CLCA2: variants seen among roughly 807,000 people sequenced by gnomAD.
CLCA2 encodes calcium-activated chloride channel regulator 2.
Under a neutral mutation model 82.9 loss-of-function variants are expected in CLCA2, and 85 were observed. The ratio of observed to expected loss-of-function variants is 1.03; its 90% confidence interval spans 0.86 to 1.23. The LOEUF is 1.23. Ranked by LOEUF, CLCA2 falls within the 50% of genes most tolerant of loss-of-function variation. The pLI, the probability that CLCA2 is intolerant of heterozygous loss-of-function variation, is 0.00. For synonymous variants in CLCA2, 421 were observed against 391.7 expected (o/e 1.07, Z -0.88); for missense variants, 1,089 against 1,124.8 (o/e 0.97, Z 0.45).
Position 86,455,470 on chromosome 1 carries a change from T to C in CLCA2, c.2775T>C (p.His925=), listed in dbSNP as rs1663058633. The C allele has an allele frequency of 6.5e-7, 1 of 1,527,030 alleles. No homozygotes were observed. Among genetic ancestry groups the C allele is most frequent in the Non-Finnish European group, 8.8e-7 (1 of 1,140,842 alleles). The allele number at this position is 1,527,030 out of a possible 1,614,324, so 94.6% of individuals were successfully genotyped here. The change falls in exon 14 of 14, where the codon CAT becomes CAC. Residue 925 remains histidine (H), a synonymous_variant. Coordinates refer to ENST00000370565, the MANE Select transcript of CLCA2 (RefSeq NM_006536.7). ...IICLIIVVTH[H]TLSRKKRADK... ...GCCTTATTATAGTTGTGACACATCATACTTTAAGCAGGAAAAAGAGAGCAG... is the reference window on the plus strand; with the variant it reads ...GCCTTATTATAGTTGTGACACATCACACTTTAAGCAGGAAAAAGAGAGCAG...
chr1:86,430,802 T>A, intron 3 of CLCA2, 60 bp from the exon 4 acceptor site: 1 of 1,253,696 alleles, frequency 8.0e-7, no homozygotes. Flanking sequence ...TCTTCACTAG[T>A]TAGCAAGGCA....
intron 2 of CLCA2, 136 bp from the exon 3 acceptor site, chr1:86,428,282 T>C: frequency 1.3e-6 from 1 of 768,428 alleles, no homozygotes; most frequent in Non-Finnish European, 1.8e-6. Flanking sequence ...ATTTTGTTTT[T>C]AAATTGGGTT....
chr1:86,450,733 G>A lies in CLCA2; in HGVS notation c.2155G>A (p.Gly719Ser), dbSNP rs369722339. ...AMYVPGYTAN[G>S]NIQMNAPRKS... ...GTATGTACCAGGTTACACAGCAAAC[G>A]GTAAGAACCATTAGCACTGTTATTT... The change falls in exon 12 of 14, where the codon GGT (glycine) becomes AGT (serine). Residue 719 changes from glycine (G) to serine (S), a missense_variant and splice_region_variant. By Grantham distance (56) the Gly-to-Ser change is moderately conservative. Transcript: ENST00000370565. 19 of 1,596,410 alleles carry A rather than the reference G, an allele frequency of 1.2e-5. No homozygotes were observed. Among genetic ancestry groups the A allele is most frequent in the African/African-American group, 1.1e-4 (8 of 74,510 alleles).
chr1:86,430,648 A>G (rs980505232), intron 3 of CLCA2, among the ~76,000 whole-genome samples: 4 of 152,116 alleles, frequency 2.6e-5, no homozygotes, highest in African/African-American at 9.7e-5. Flanking sequence ...GACCAAACAT[A>G]TTTTCATGCT....
chr1:86,424,464 A>T, intron 1 of CLCA2, 31 bp downstream of exon 1: 1 of 1,570,978 alleles, frequency 6.4e-7, no homozygotes, highest in Non-Finnish European at 8.7e-7. Flanking sequence ...TGATACTAGC[A>T]TCCCATTTGA....
At chr1:86,450,491 A>G (rs1662938756) in intron 11 of CLCA2, 72 bp from the exon 12 acceptor site, 1 of 1,237,760 alleles carries the variant, frequency 8.1e-7, no homozygotes, top group East Asian at 2.5e-5. Flanking sequence ...AGTAAATCTC[A>G]TTTTTAATGA....
In CLCA2 at chr1:86,438,334, T is replaced by C. The variant is rs532572600; in HGVS notation, c.973-542T>C. 7.9e-5 allele frequency among the ~76,000 whole-genome samples: 12 copies of C among 152,346 alleles called. No individual in the cohort carries two copies. The South Asian group carries it at 2.1e-3, about 26-fold the overall frequency. ...TTCATGGTATAACTGTACTGCCATA[T>C]ATGTATCTCACTTGATCCTCATGGC... On this transcript the variant is annotated intron_variant, in intron 6 of 13. Transcript: ENST00000370565.
intron 6 of CLCA2, 63 bp downstream of exon 6, chr1:86,434,808 C>T (rs56408800): frequency 0.3 from 399,595 of 1,313,912 alleles, 63,381 homozygotes; most frequent in Admixed American, 0.34. Context: ...TCTTTATTAT[C>T]TCAATTTATT....
intron 6 of CLCA2, among the ~76,000 whole-genome samples, chr1:86,437,806 G>A (rs985006999): frequency 1.6e-4 from 24 of 149,424 alleles, no homozygotes; most frequent in Admixed American, 1.4e-3. Context: ...TCAAGATTGG[G>A]AGTGATGATC....
In CLCA2 at chr1:86,432,382, A is replaced by T; in HGVS notation, c.598A>T (p.Ile200Phe). 1.2e-6 allele frequency: 2 copies of T among 1,613,826 alleles called. No homozygotes were observed. Among genetic ancestry groups the T allele is most frequent in the Middle Eastern group, 1.7e-4 (1 of 6,058 alleles). The change falls in exon 5 of 14, where the codon ATC (isoleucine) becomes TTC (phenylalanine). Residue 200 changes from isoleucine to phenylalanine, a missense_variant. Physicochemically the swap from Ile to Phe is conservative, Grantham distance 21. Coordinates refer to ENST00000370565, the MANE Select transcript of CLCA2 (RefSeq NM_006536.7). ...TTCCATTTTTAGGTGTTCATCTGAC[A>T]TCACAGGCATTTTTGTGTGTGAAAA... Reference protein sequence around the residue: ...QIKVTRCSSDITGIFVCEKGP... With the variant: ...QIKVTRCSSDFTGIFVCEKGP...
At chr1:86,427,228 G>A (rs139894602) in intron 2 of CLCA2, among the ~76,000 whole-genome samples, 12 of 152,072 alleles carry the variant, frequency 7.9e-5, no homozygotes, top group Non-Finnish European at 1.3e-4. Flanking sequence ...ACCCCAAACA[G>A]CCTCTGAGTA....
chr1:86,448,731 A>G (rs1662905227), intron 11 of CLCA2, among the ~76,000 whole-genome samples: 1 of 152,264 alleles, frequency 6.6e-6, no homozygotes, highest in Admixed American at 6.5e-5. Context: ...ACAAAAGTTC[A>G]TTCAAAGGGT....
intron 12 of CLCA2, among the ~76,000 whole-genome samples, chr1:86,452,333 C>A (rs1009381213): frequency 2.0e-5 from 3 of 152,108 alleles, no homozygotes; most frequent in African/African-American, 7.2e-5. Flanking sequence ...CCATCCCAAG[C>A]TGCTATCTTC....
chr1:86,435,932 T>TAAA (rs34457421), intron 6 of CLCA2, among the ~76,000 whole-genome samples: 1 of 128,048 alleles, frequency 7.8e-6, no homozygotes. Flanking sequence ...TTTAAATGGT[T>TAAA]AAAAAAAAAA....
Position 86,450,559 on chromosome 1 carries a change from A to G in CLCA2, c.1985-4A>G. On this transcript the variant is annotated splice_polypyrimidine_tract_variant and splice_region_variant and intron_variant, in intron 11 of 13. Transcript: ENST00000370565. ...TGTTGACACTGTGTTTTTTATATAT[A>G]CAGGTGCTGATGTTATAAAAAATGA... 1.2e-6 allele frequency: 2 copies of G among 1,608,024 alleles called. No homozygotes were observed. The highest frequency in any genetic ancestry group is 1.7e-4 in the Middle Eastern group (1 of 6,040).
In CLCA2 at chr1:86,443,901, C is replaced by T. The variant is rs1053899057; in HGVS notation, c.1603C>T (p.Pro535Ser). Residue 535 changes from proline to serine, a missense_variant, in exon 10 of 14, where the codon CCT (proline) becomes TCT (serine). Physicochemically the swap from Pro to Ser is moderately conservative, Grantham distance 74. Coordinates refer to ENST00000370565, the MANE Select transcript of CLCA2 (RefSeq NM_006536.7). ...TCTAGTTACGTGGCAGGCCAGTGGT[C>T]CTCCTGAGATTATATTATTTGATCC... Reference protein sequence around the residue: ...MFLVTWQASGPPEIILFDPDG... With the variant: ...MFLVTWQASGSPEIILFDPDG... 5 of 1,612,928 alleles carry T rather than the reference C, an allele frequency of 3.1e-6. No individual in the cohort carries two copies. Among genetic ancestry groups the T allele is most frequent in the Non-Finnish European group, 3.4e-6 (4 of 1,179,146 alleles).
chr1:86,429,749 C>T lies in CLCA2; in HGVS notation c.476-1113C>T, dbSNP rs11811329. ...GATGTCTTAATTTTCTTTTTTATCC[C>T]TAGTTAAATCTAAACTAGGGTTTTG... On this transcript the variant is annotated intron_variant, in intron 3 of 13. Coordinates refer to ENST00000370565, the MANE Select transcript of CLCA2 (RefSeq NM_006536.7). Among the ~76,000 whole-genome samples the T allele has an allele frequency of 7.5e-3, 1,138 of 152,218 alleles. 11 individuals carry two copies. The highest frequency in any genetic ancestry group is 0.026 in the African/African-American group (1,089 of 41,532).
At chr1:86,446,112 A>G (rs1050898423) in intron 10 of CLCA2, among the ~76,000 whole-genome samples, 2 of 151,660 alleles carry the variant, frequency 1.3e-5, no homozygotes, top group African/African-American at 2.4e-5. Context: ...CACTCCCCCA[A>G]TCCAGTAGGG....
chr1:86,447,490 A>G lies in CLCA2; in HGVS notation c.1714-18A>G, dbSNP rs760560858. 1.0e-5 allele frequency: 16 copies of G among 1,605,966 alleles called. No individual in the cohort carries two copies. The highest frequency in any genetic ancestry group is 2.2e-5 in the East Asian group (1 of 44,730). On this transcript the variant is annotated intron_variant, in intron 10 of 13. Transcript: ENST00000370565. ...TTTTTTTTTCACACTTTCCAAAACA[A>G]TAAGACTTGTTTTACAGCCTGGGCA... is the stretch of plus-strand genomic sequence containing the variant.
Sources: allele counts gnomAD v4.1 joint callset (sites outside exome capture counted in the v4.1 genomes callset), GRCh38; gene constraint gnomAD v4.1.1; transcripts MANE v1.5; gene names NCBI Gene and HGNC (gene_info 2026-07-23, HGNC 2026-07-21).